The following SAMSN1 variants were observed in gnomAD, a reference collection of about 807,000 sequenced individuals.
SAMSN1 encodes SAM domain, SH3 domain and nuclear localization signals 1.
Under a neutral mutation model 42.0 loss-of-function variants are expected in SAMSN1, and 31 were observed. The observed-to-expected ratio is 0.74, with a 90% CI of 0.55 to 1.00. The LOEUF (loss-of-function observed/expected upper bound fraction) is 1.00, where lower values mean the gene tolerates loss of function less well. SAMSN1 is among the 50% of genes least tolerant of loss of function. The pLI, the probability that SAMSN1 is intolerant of heterozygous loss-of-function variation, is 0.00. For synonymous variants in SAMSN1, 178 were observed against 151.9 expected, an observed-to-expected ratio of 1.17 and a Z score of -1.26; for missense variants, 464 against 439.4, an observed-to-expected ratio of 1.06 and a Z score of -0.50.
chr21:14,636,368 G>A (rs1052222583), intron 2 of SAMSN1, among the ~76,000 whole-genome samples: 5 of 151,844 alleles, frequency 3.3e-5, no homozygotes, highest in Admixed American at 2.0e-4. Flanking sequence ...TTGTGTACAC[G>A]TGCATGCACA....
At chr21:14,556,117 G>T (rs1980754118) in intron 2 of SAMSN1, among the ~76,000 whole-genome samples, 1 of 152,110 alleles carries the variant, frequency 6.6e-6, no homozygotes, top group Admixed American at 6.6e-5. Context: ...TAAACAGGAA[G>T]AACAAGATCA....
At chr21:14,521,897 G>GT (rs1158076686) in intron 1 of SAMSN1, among the ~76,000 whole-genome samples, 1 of 130,864 alleles carries the variant, frequency 7.6e-6, no homozygotes, top group Non-Finnish European at 1.8e-5. Flanking sequence ...GACCAAGTTT[G>GT]TTTAAAAAAA....
At chr21:14,650,580 G>T (rs1983815976) in intron 1 of SAMSN1, among the ~76,000 whole-genome samples, 1 of 151,890 alleles carries the variant, frequency 6.6e-6, no homozygotes, top group Non-Finnish European at 1.5e-5. Flanking sequence ...CATCAAAAAA[G>T]ATGAATAACT....
At chr21:14,602,191 G>A in intron 5 of SAMSN1, 1 of 416,448 alleles carries the variant, frequency 2.4e-6, no homozygotes, top group East Asian at 3.4e-5. Flanking sequence ...TTTTTATTTA[G>A]TCTGTAAGAC....
At chr21:14,603,325 A>G (rs560770655) in intron 5 of SAMSN1, among the ~76,000 whole-genome samples, 76 of 152,334 alleles carry the variant, frequency 5.0e-4, no homozygotes, top group African/African-American at 1.8e-3. Context: ...TCTGGAATCA[A>G]GCTGAGAAAA....
intron 4 of SAMSN1, among the ~76,000 whole-genome samples, chr21:14,610,644 C>A (rs1373945325): frequency 6.6e-6 from 1 of 152,158 alleles, no homozygotes; most frequent in African/African-American, 2.4e-5. Flanking sequence ...CACAGATACC[C>A]AGCTTTAAAA....
intron 2 of SAMSN1, among the ~76,000 whole-genome samples, chr21:14,562,239 T>C (rs1165131894): frequency 6.6e-6 from 1 of 152,330 alleles, no homozygotes; most frequent in Non-Finnish European, 1.5e-5. Context: ...GGAGTAGAGA[T>C]GGGAAATAGA....
chr21:14,583,528 T>TA (rs202144398), upstream of SAMSN1: 2,989 of 559,972 alleles, frequency 5.3e-3, 2 homozygotes, highest in East Asian at 8.5e-3. Flanking sequence ...AACTTGGCAA[T>TA]AAAAAAAAAT....
chr21:14,600,366 T>C (rs1982397858), intron 6 of SAMSN1, among the ~76,000 whole-genome samples: 1 of 152,184 alleles, frequency 6.6e-6, no homozygotes, highest in Admixed American at 6.5e-5. Flanking sequence ...CTTAGTTAAA[T>C]TCAATTGAAT....
Position 14,571,385 on chromosome 21 carries a change from G to A in SAMSN1, c.261+10751C>T, listed in dbSNP as rs114413728. ...TCCACTGGGGTTGGGCTTGAGGTGA[G>A]CTGCAATAAAGCCATATTTCTAATC... is the stretch of plus-strand genomic sequence containing the variant. On this transcript the variant is annotated intron_variant, in intron 2 of 8. Transcript: ENST00000285670. Among the ~76,000 whole-genome samples, 507 of 152,244 alleles carry A rather than the reference G, an allele frequency of 3.3e-3. 2 individuals carry two copies. Among genetic ancestry groups the A allele is most frequent in the African/African-American group, 0.012 (491 of 41,548 alleles).
chr21:14,590,389 C>A (rs1021333583), intron 7 of SAMSN1, among the ~76,000 whole-genome samples: 1 of 152,078 alleles, frequency 6.6e-6, no homozygotes, highest in Non-Finnish European at 1.5e-5. Flanking sequence ...GAGGTCCTCC[C>A]ATCTTAGCCT....
intron 2 of SAMSN1, among the ~76,000 whole-genome samples, chr21:14,638,806 A>C (rs563352435): frequency 6.6e-6 from 1 of 152,332 alleles, no homozygotes; most frequent in African/African-American, 2.4e-5. Flanking sequence ...GCAAGACTTG[A>C]AGCAACTTTC....
At chr21:14,561,635 C>A (rs1048614506) in intron 2 of SAMSN1, among the ~76,000 whole-genome samples, 1 of 152,104 alleles carries the variant, frequency 6.6e-6, no homozygotes, top group African/African-American at 2.4e-5. Context: ...ATGTTGAATT[C>A]CTGACCCCCA....
chr21:14,515,855 C>G lies in SAMSN1; in HGVS notation c.279+1037G>C, dbSNP rs1431371010. 2.0e-5 allele frequency among the ~76,000 whole-genome samples: 3 copies of G among 152,222 alleles called. No individual in the cohort carries two copies. The East Asian group carries it at 5.8e-4, about 29-fold the overall frequency. On this transcript the variant is annotated intron_variant, in intron 3 of 7. Coordinates refer to ENST00000400566, the MANE Select transcript of SAMSN1 (RefSeq NM_022136.5). Reference sequence around the variant, plus strand: ...AATGGATTTGAAAAACACTTCTCCACAAAGATAGATAAATGGCTAAAAAGC... The same window carrying G: ...AATGGATTTGAAAAACACTTCTCCAGAAAGATAGATAAATGGCTAAAAAGC...
At chr21:14,612,697 C>T in intron 4 of SAMSN1, 1 of 654,226 alleles carries the variant, frequency 1.5e-6, no homozygotes, top group South Asian at 1.5e-5. Context: ...ATTTCTTTGT[C>T]ATAGCCATTT....
At chr21:14,492,119 T>G (rs570231732) in intron 7 of SAMSN1, among the ~76,000 whole-genome samples, 2 of 152,348 alleles carry the variant, frequency 1.3e-5, no homozygotes, top group Non-Finnish European at 2.9e-5. Context: ...AGATTTTTAG[T>G]TAGTATTTTT....
At chr21:14,623,020 A>C (rs1983056660) in intron 2 of SAMSN1, among the ~76,000 whole-genome samples, 1 of 152,196 alleles carries the variant, frequency 6.6e-6, no homozygotes, top group African/African-American at 2.4e-5. Flanking sequence ...CAGTCAAACC[A>C]AGCTTTATAA....
chr21:14,524,830 G>A (rs1215735117), intron 1 of SAMSN1, among the ~76,000 whole-genome samples: 2 of 152,038 alleles, frequency 1.3e-5, no homozygotes, highest in African/African-American at 4.8e-5. Flanking sequence ...ACAGTGTAAG[G>A]AGAAAAAGTA....
intron 1 of SAMSN1, 117 bp downstream of exon 1, chr21:14,546,088 C>T: frequency 1.2e-6 from 1 of 864,470 alleles, no homozygotes; most frequent in South Asian, 1.7e-5. Context: ...AGGCATTAAA[C>T]CCTATGTTTG....
Sources: gnomAD v4.1 joint callset for allele counts (sites outside exome capture counted in the v4.1 genomes callset) on GRCh38, gnomAD v4.1.1 for gene constraint, MANE v1.5 for transcripts, NCBI Gene and HGNC (gene_info 2026-07-23, HGNC 2026-07-21) for gene names.